Variants in CTBS observed in about 807,000 individuals in gnomAD.
CTBS encodes chitobiase, also known as di-N-acetylchitobiase.
A neutral mutation model predicts 44.3 loss-of-function variants in CTBS; 35 were observed. The ratio of observed to expected loss-of-function variants is 0.79; its 90% CI spans 0.60 to 1.05. The LOEUF (loss-of-function observed/expected upper bound fraction) is 1.05, where lower values mean the gene tolerates loss of function less well. Ranked by LOEUF, CTBS falls within the 50% of genes least tolerant of loss-of-function variation. CTBS has a pLI of 0.00. For synonymous variants in CTBS, 143 were observed against 168.0 expected, an observed-to-expected ratio of 0.85 and a Z score of 1.15; for missense variants, 458 against 475.3, an observed-to-expected ratio of 0.96 and a Z score of 0.34.
Position 84,563,317 on chromosome 1 carries a change from A to AT in CTBS, c.896dup (p.Asn299LysfsTer2). 2 of 1,598,364 alleles carry AT rather than the reference A, an allele frequency of 1.3e-6. No homozygotes were observed. The highest frequency in any genetic ancestry group is 1.7e-6 in the Non-Finnish European group (2 of 1,172,852). On this transcript the variant is annotated frameshift_variant, in exon 6 of 7. Coordinates refer to ENST00000370630, the MANE Select transcript of CTBS (RefSeq NM_004388.3). LOFTEE classifies it high-confidence loss of function. Reference sequence around the variant, plus strand: ...CCCATAGGTTTCCAGAAATAGAACTATTTATTTGCTTCATGATCGTTTTGT... The same window carrying AT: ...CCCATAGGTTTCCAGAAATAGAACTATTTTATTTGCTTCATGATCGTTTTGT...
intron 1 of CTBS, among the ~76,000 whole-genome samples, chr1:84,570,984 T>C (rs929739131): frequency 6.6e-6 from 1 of 152,048 alleles, no homozygotes; most frequent in Non-Finnish European, 1.5e-5. Flanking sequence ...TAACTAAATA[T>C]TTAGTATGGC....
chr1:84,560,134 G>A (rs554677902), intron 6 of CTBS, among the ~76,000 whole-genome samples: 42 of 141,192 alleles, frequency 3.0e-4, no homozygotes, highest in African/African-American at 1.1e-3. Context: ...AGAAAGAAAG[G>A]AAAGAAAGAA....
Position 84,574,252 on chromosome 1 carries a change from T to G in CTBS, c.164A>C (p.His55Pro), listed in dbSNP as rs1204233287. The G allele has an allele frequency of 1.2e-5, 20 of 1,604,562 alleles. No homozygotes were observed. The highest frequency in any genetic ancestry group is 1.7e-5 in the Non-Finnish European group (20 of 1,176,504). ...GAAGGCGCTGACCTCGAAATCTGGA[T>G]GGTGGCGAATCGGGCGGCAGAGCTC... ...EPELCRPIRH[H>P]PDFEVFVFDV... The change falls in exon 1 of 7, where the codon CAT becomes CCT. Residue 55 changes from histidine to proline, a missense_variant. By Grantham distance (77) the His-to-Pro change is moderately conservative. Coordinates refer to ENST00000370630, the MANE Select transcript of CTBS (RefSeq NM_004388.3).
chr1:84,569,268 GGAGT>G lies in CTBS; in HGVS notation c.525+659_525+662del, dbSNP rs529580860. ...AAAACCTTTTGAAAAATCATTTCTGGGAGTGAGTTCACAGTGTGCATGTGTGTGG... is the reference window on the plus strand; with the variant it reads ...AAAACCTTTTGAAAAATCATTTCTGGGAGTTCACAGTGTGCATGTGTGTGG... On this transcript the variant is annotated intron_variant, in intron 3 of 6. Coordinates refer to ENST00000370630, the MANE Select transcript of CTBS (RefSeq NM_004388.3). Among the ~76,000 whole-genome samples the G allele has an allele frequency of 5.5e-3, 840 of 152,234 alleles. 15 individuals are homozygous for G. Among genetic ancestry groups the G allele is most frequent in the African/African-American group, 0.019 (801 of 41,520 alleles).
Position 84,568,329 on chromosome 1 carries a change from ATG to A in CTBS, c.525+1600_525+1601del, listed in dbSNP as rs143397777. 3.0e-3 allele frequency among the ~76,000 whole-genome samples: 452 copies of A among 152,292 alleles called. 2 individuals carry two copies. The highest frequency in any genetic ancestry group is 0.01 in the African/African-American group (432 of 41,550). ...TGAAGGAAAAGTTTCTGAGGCCAAAATGTGTGAGGAGGAGAAGGGGTATTGTG... is the reference window on the plus strand; with the variant it reads ...TGAAGGAAAAGTTTCTGAGGCCAAAATGTGAGGAGGAGAAGGGGTATTGTG... On this transcript the variant is annotated intron_variant, in intron 3 of 6. Coordinates refer to ENST00000370630, the MANE Select transcript of CTBS (RefSeq NM_004388.3).
At chr1:84,559,337 T>C (rs1379275569) in intron 6 of CTBS, among the ~76,000 whole-genome samples, 2 of 152,286 alleles carry the variant, frequency 1.3e-5, no homozygotes, top group South Asian at 2.1e-4. Context: ...ATAACAATAT[T>C]TGGCTAGGCG....
At chr1:84,562,702 A>G (rs1285385441) in intron 6 of CTBS, among the ~76,000 whole-genome samples, 2 of 152,218 alleles carry the variant, frequency 1.3e-5, no homozygotes, top group Non-Finnish European at 1.5e-5. Context: ...CAGAATTGCT[A>G]ATCACTTAGT....
Position 84,570,732 on chromosome 1 carries a change from A to G in CTBS, c.178-12T>C, listed in dbSNP as rs1246520782. On this transcript the variant is annotated splice_polypyrimidine_tract_variant and intron_variant, in intron 1 of 6. Transcript: ENST00000370630. ...TCAAACACAAAGACCTGCCAGAACA[A>G]AGATGAGCACCATCATTTAAACCAA... 2 of 1,610,514 alleles carry G rather than the reference A, an allele frequency of 1.2e-6. No homozygotes were observed. Among genetic ancestry groups the G allele is most frequent in the Admixed American group, 3.4e-5 (2 of 59,406 alleles).
Position 84,552,819 on chromosome 1 carries a change from C to T in CTBS, c.*2180G>A. 2.3e-6 allele frequency: 1 copy of T among 440,896 alleles called. No homozygotes were observed. Among genetic ancestry groups the T allele is most frequent in the Non-Finnish European group, 4.0e-6 (1 of 248,946 alleles). 27.3% of individuals were successfully genotyped at this position (440,896 alleles called of 1,614,324 possible). A position where few individuals can be genotyped will look rare whatever the true frequency, so the allele number is the denominator to read the frequency against. ...CCCTATCTACTCATAAACAAGGTTACCTTATAGCATATCTCACCAGTAGAT... is the reference window on the plus strand; with the variant it reads ...CCCTATCTACTCATAAACAAGGTTATCTTATAGCATATCTCACCAGTAGAT... On this transcript the variant is annotated 3_prime_UTR_variant, in exon 7 of 7. Coordinates refer to ENST00000370630, the MANE Select transcript of CTBS (RefSeq NM_004388.3).
Position 84,552,861 on chromosome 1 carries a change from C to T in CTBS, c.*2138G>A. Reference sequence around the variant, plus strand: ...CCAGTAGATAAGCATGCTTATTAAACAGCATTCATAATCTACACATTTACT... The same window carrying T: ...CCAGTAGATAAGCATGCTTATTAAATAGCATTCATAATCTACACATTTACT... On this transcript the variant is annotated 3_prime_UTR_variant, in exon 7 of 7. Transcript: ENST00000370630. The T allele has an allele frequency of 1.9e-6, 1 of 532,860 alleles. No homozygotes were observed. The highest frequency in any genetic ancestry group is 2.4e-5 in the South Asian group (1 of 40,904). The allele number at this position is 532,860 out of a possible 1,614,324, so 33.0% of individuals were successfully genotyped here.
chr1:84,555,273 AAG>A (rs1684395019), intron 6 of CTBS, 74 bp from the exon 7 acceptor site: 3 of 1,202,252 alleles, frequency 2.5e-6, no homozygotes, highest in Non-Finnish European at 3.5e-6. Flanking sequence ...GGAAAAATAA[AAG>A]AAGTATACAG....
chr1:84,556,112 T>C (rs1306672427), intron 6 of CTBS: 1 of 152,194 alleles, frequency 6.6e-6, no homozygotes, highest in Admixed American at 6.5e-5. Flanking sequence ...ATTCTGGTCT[T>C]ATGTTCACCT....
intron 4 of CTBS, 39 bp downstream of exon 4, chr1:84,565,802 A>G (rs1684687955): frequency 9.2e-7 from 1 of 1,092,564 alleles, no homozygotes; most frequent in Non-Finnish European, 1.2e-6. Context: ...ATAGAATATT[A>G]TTAATATTAT....
chr1:84,566,927 G>C (rs1263185147), intron 3 of CTBS, among the ~76,000 whole-genome samples: 2 of 152,178 alleles, frequency 1.3e-5, no homozygotes, highest in Admixed American at 6.5e-5. Flanking sequence ...ACCACACCCA[G>C]CCTTATCTTT....
In CTBS at chr1:84,557,599, T is replaced by C. The variant is rs1684481404; in HGVS notation, c.958-2400A>G. 2.2e-5 allele frequency among the ~76,000 whole-genome samples: 3 copies of C among 138,290 alleles called. No homozygotes were observed. In the Admixed American group the frequency reaches 2.2e-4, roughly 10 times the overall value. The allele number at this position is 138,290 out of a possible 152,430, so 90.7% of individuals were successfully genotyped here. ...GGCTGGGCGCGGTGGCTCACACCTA[T>C]AATCCCAGCCCTTTGGGAGGCCGAG... On this transcript the variant is annotated intron_variant, in intron 6 of 6. Coordinates refer to ENST00000370630, the MANE Select transcript of CTBS (RefSeq NM_004388.3).
intron 2 of CTBS, 142 bp downstream of exon 2, chr1:84,570,440 A>AT: frequency 1.4e-6 from 1 of 736,968 alleles, no homozygotes. Flanking sequence ...TGTGAAATGA[A>AT]TTACACAGTA....
In CTBS at chr1:84,574,406, G is replaced by A. The variant is rs1273365034; in HGVS notation, c.10C>T (p.Pro4Ser). MSR[P>S]QLRRWRLVSS... Reference sequence around the variant, plus strand: ...ACGAGGCGCCAGCGTCGAAGCTGCGGCCGGGACATAGCAGCAGGTCTAGCG... The same window carrying A: ...ACGAGGCGCCAGCGTCGAAGCTGCGACCGGGACATAGCAGCAGGTCTAGCG... Residue 4 changes from proline to serine, a missense_variant, in exon 1 of 7, where the codon CCG becomes TCG. By Grantham distance (74) the Pro-to-Ser change is moderately conservative (BLOSUM62 -1). Coordinates refer to ENST00000370630, the MANE Select transcript of CTBS (RefSeq NM_004388.3). The A allele has an allele frequency of 1.3e-6, 2 of 1,552,106 alleles. No homozygotes were observed. The highest frequency in any genetic ancestry group is 2.4e-5 in the South Asian group (2 of 84,196).
At chr1:84,558,312 C>A in intron 6 of CTBS, among the ~76,000 whole-genome samples, 1 of 149,090 alleles carries the variant, frequency 6.7e-6, no homozygotes, top group Non-Finnish European at 1.5e-5. Context: ...TTTTTTGAGA[C>A]GGAGTCTCGC....
chr1:84,566,104 C>G, intron 3 of CTBS, 92 bp from the exon 4 acceptor site: 1 of 699,216 alleles, frequency 1.4e-6, no homozygotes, highest in Non-Finnish European at 2.0e-6. Flanking sequence ...TTACCTTATA[C>G]TACACAAGGA....
Sources: gnomAD v4.1 joint callset for allele counts (sites outside exome capture counted in the v4.1 genomes callset) on GRCh38, gnomAD v4.1.1 for gene constraint, MANE v1.5 for transcripts, NCBI Gene and HGNC (gene_info 2026-07-23, HGNC 2026-07-21) for gene names.